CCSER1: variants seen among roughly 807,000 people sequenced by gnomAD.
CCSER1 encodes coiled-coil serine rich protein 1, also known as serine-rich coiled-coil domain-containing protein 1.
Under a neutral mutation model 82.0 loss-of-function variants are expected in CCSER1, and 41 were observed. That is an observed-to-expected ratio of 0.50 (90% CI 0.39 to 0.65). The LOEUF is 0.65. CCSER1 is among the 30% of genes least tolerant of loss of function. The pLI, the probability that CCSER1 is intolerant of heterozygous loss-of-function variation, is 0.00. For missense variants in CCSER1, 1,119 were observed against 1,064.2 expected, an observed-to-expected ratio of 1.05 and a Z score of -0.72; for synonymous variants, 414 against 383.9, an observed-to-expected ratio of 1.08 and a Z score of -0.92.
chr4:90,452,095 C>T (rs949029291), intron 4 of CCSER1, among the ~76,000 whole-genome samples: 5 of 152,128 alleles, frequency 3.3e-5, no homozygotes, highest in Non-Finnish European at 7.3e-5. Context: ...GAGAGGCGTA[C>T]TCTCAATAAC....
intron 3 of CCSER1, among the ~76,000 whole-genome samples, chr4:90,362,556 T>G (rs1745553113): frequency 6.6e-6 from 1 of 152,198 alleles, no homozygotes; most frequent in African/African-American, 2.4e-5. Flanking sequence ...AAAATCTCAT[T>G]TCTTCAGAAA....
intron 6 of CCSER1, among the ~76,000 whole-genome samples, chr4:90,690,312 T>C (rs1735590935): frequency 6.6e-6 from 1 of 152,098 alleles, no homozygotes. Flanking sequence ...AGAGACATTT[T>C]AAATGCTAAT....
chr4:90,839,067 G>T (rs200449578), intron 8 of CCSER1: 4 of 1,592,678 alleles, frequency 2.5e-6, no homozygotes, highest in Non-Finnish European at 3.4e-6. Flanking sequence ...AGCGAGGCGC[G>T]CGAGTACGAG....
chr4:90,841,053 T>C (rs1030732826), intron 8 of CCSER1, among the ~76,000 whole-genome samples: 2 of 152,200 alleles, frequency 1.3e-5, no homozygotes, highest in African/African-American at 2.4e-5. Flanking sequence ...ATTCTAGAGA[T>C]ACTGAGTCAG....
intron 10 of CCSER1, among the ~76,000 whole-genome samples, chr4:91,305,904 C>T (rs994430810): frequency 6.6e-6 from 1 of 151,600 alleles, no homozygotes; most frequent in African/African-American, 2.4e-5. Context: ...TTGTGAGACC[C>T]CCCCTCACTA....
intron 6 of CCSER1, among the ~76,000 whole-genome samples, chr4:90,663,036 A>G (rs1003903601): frequency 2.0e-5 from 3 of 152,202 alleles, no homozygotes; most frequent in African/African-American, 7.2e-5. Flanking sequence ...CTCTATAATG[A>G]GAGAGGAAAT....
At chr4:91,019,190 T>G (rs1194309992) in intron 9 of CCSER1, among the ~76,000 whole-genome samples, 1 of 151,976 alleles carries the variant, frequency 6.6e-6, no homozygotes, top group Non-Finnish European at 1.5e-5. Flanking sequence ...TATTCTCATT[T>G]TTAGAACAAG....
intron 9 of CCSER1, among the ~76,000 whole-genome samples, chr4:91,050,646 G>A: frequency 6.6e-6 from 1 of 152,110 alleles, no homozygotes; most frequent in East Asian, 1.9e-4. Flanking sequence ...AATTAGCTTT[G>A]TCTTGTTTCA....
intron 10 of CCSER1, among the ~76,000 whole-genome samples, chr4:91,430,141 G>T (rs886435074): frequency 5.3e-5 from 8 of 152,032 alleles, no homozygotes; most frequent in African/African-American, 1.7e-4. Flanking sequence ...GGGATACTTG[G>T]TATATATGTT....
At chr4:90,443,923 A>T (rs1760260382) in intron 4 of CCSER1, among the ~76,000 whole-genome samples, 1 of 152,090 alleles carries the variant, frequency 6.6e-6, no homozygotes, top group African/African-American at 2.4e-5. Context: ...ACACATATAA[A>T]TATAATCTTT....
At chr4:90,645,671 G>C (rs920063399) in intron 6 of CCSER1, among the ~76,000 whole-genome samples, 1 of 152,036 alleles carries the variant, frequency 6.6e-6, no homozygotes, top group South Asian at 2.1e-4. Context: ...TTTGACACAT[G>C]GTCATAAAAA....
chr4:91,521,742 G>C (rs907211852), intron 10 of CCSER1, among the ~76,000 whole-genome samples: 2 of 152,090 alleles, frequency 1.3e-5, no homozygotes, highest in Non-Finnish European at 2.9e-5. Context: ...ATATTTTCTT[G>C]TAAATTTGTT....
chr4:91,185,459 G>C (rs1019938106), intron 10 of CCSER1, among the ~76,000 whole-genome samples: 2 of 152,144 alleles, frequency 1.3e-5, no homozygotes, highest in Non-Finnish European at 2.9e-5. Flanking sequence ...CTCCTGTTAG[G>C]GACCTTTTGT....
At chr4:90,445,407 A>C (rs1318725769) in intron 4 of CCSER1, among the ~76,000 whole-genome samples, 2 of 152,068 alleles carry the variant, frequency 1.3e-5, no homozygotes, top group Non-Finnish European at 2.9e-5. Context: ...GATTGCAGTG[A>C]TTATTTCAAG....
intron 3 of CCSER1, among the ~76,000 whole-genome samples, chr4:90,320,799 T>C (rs1307458660): frequency 6.6e-6 from 1 of 152,120 alleles, no homozygotes; most frequent in Non-Finnish European, 1.5e-5. Flanking sequence ...AATTTGTATG[T>C]TTGTTGGGCA....
At chr4:90,539,432 T>C (rs1356594236) in intron 5 of CCSER1, among the ~76,000 whole-genome samples, 1 of 152,124 alleles carries the variant, frequency 6.6e-6, no homozygotes, top group African/African-American at 2.4e-5. Flanking sequence ...AAATCTTTAG[T>C]GACTTTTTTA....
chr4:90,255,314 T>A (rs942701828), intron 1 of CCSER1, among the ~76,000 whole-genome samples: 32 of 152,080 alleles, frequency 2.1e-4, no homozygotes, highest in Admixed American at 2.0e-3. Flanking sequence ...CATTCACAAG[T>A]AGAAGGTTGC....
intron 10 of CCSER1, among the ~76,000 whole-genome samples, chr4:91,438,125 G>A (rs1036387559): frequency 2.6e-5 from 4 of 152,192 alleles, no homozygotes; most frequent in African/African-American, 9.6e-5. Context: ...TTTGAAGAGA[G>A]CAGTGGTTCT....
chr4:91,181,059 T>C (rs1733980344), intron 10 of CCSER1, among the ~76,000 whole-genome samples: 2 of 152,224 alleles, frequency 1.3e-5, no homozygotes, highest in South Asian at 4.1e-4. Flanking sequence ...TTCATTGCCC[T>C]CATTCCCATA....
Sources: gnomAD v4.1 joint callset for allele counts (sites outside exome capture counted in the v4.1 genomes callset) on GRCh38, gnomAD v4.1.1 for gene constraint, MANE v1.5 for transcripts, NCBI Gene and HGNC (gene_info 2026-07-23, HGNC 2026-07-21) for gene names.